Variants in CEP63 observed in about 807,000 individuals in gnomAD.
The protein encoded by CEP63 is centrosomal protein 63.
CEP63 carries 84 observed loss-of-function variants against 89.1 expected under a neutral mutation model. The observed-to-expected ratio is 0.94, with a 90% confidence interval of 0.79 to 1.13. The LOEUF (loss-of-function observed/expected upper bound fraction) is 1.13, where lower values mean the gene tolerates loss of function less well. Ranked by LOEUF, CEP63 falls within the 50% of genes most tolerant of loss-of-function variation. The probability of loss-of-function intolerance (pLI) is 0.00; values close to 1 mark genes in which losing one functional copy is unlikely to be tolerated. For synonymous variants in CEP63, 267 were observed against 272.5 expected, an observed-to-expected ratio of 0.98 and a Z score of 0.20; for missense variants, 838 against 813.3, an observed-to-expected ratio of 1.03 and a Z score of -0.37.
At chr3:134,568,073 G>A (rs1458061693), downstream of CEP63, among the ~76,000 whole-genome samples, 2 of 152,188 alleles carry the variant, frequency 1.3e-5, no homozygotes, top group Non-Finnish European at 2.9e-5. Flanking sequence ...AAACAGATGA[G>A]CTAAGATACT....
At chr3:134,536,062 C>G (rs185771233) in intron 5 of CEP63, 10 of 152,232 alleles carry the variant, frequency 6.6e-5, no homozygotes, top group African/African-American at 1.9e-4. Flanking sequence ...TTCTTTCCAC[C>G]CAGAATATTG....
At chr3:134,680,077 A>G in the CEP63 span, among the ~76,000 whole-genome samples, 2 of 152,218 alleles carry the variant, frequency 1.3e-5, no homozygotes, top group Non-Finnish European at 2.9e-5. Context: ...ACACACACAC[A>G]GAAGGAAGAT....
At chr3:134,770,300 T>G in the CEP63 span, among the ~76,000 whole-genome samples, 1 of 152,244 alleles carries the variant, frequency 6.6e-6, no homozygotes, top group Non-Finnish European at 1.5e-5. Flanking sequence ...CCCAGGTGAT[T>G]CTGAGGTAGC....
chr3:134,570,005 G>T (rs1056629578), downstream of CEP63, among the ~76,000 whole-genome samples: 1 of 152,188 alleles, frequency 6.6e-6, no homozygotes, highest in Non-Finnish European at 1.5e-5. Context: ...CTCTACGTTG[G>T]CCACTTTCAG....
intron 7 of CEP63, 35 bp from the exon 8 acceptor site, chr3:134,546,114 A>G (rs1021932327): frequency 6.2e-7 from 1 of 1,610,144 alleles, no homozygotes; most frequent in Non-Finnish European, 8.5e-7. Flanking sequence ...AATTAAAAAG[A>G]AGGAAAATTA....
At chr3:134,746,374 A>G in the CEP63 span, among the ~76,000 whole-genome samples, 35 of 152,322 alleles carry the variant, frequency 2.3e-4, no homozygotes, top group African/African-American at 7.7e-4. Context: ...TAGTGCTGCA[A>G]TAAACATAAG....
At position 134,547,444 on chromosome 3, in the gene CEP63, C is replaced by A; in HGVS notation, c.1039C>A (p.Gln347Lys). The change falls in exon 9 of 15, where the codon CAG (glutamine) becomes AAG (lysine). Residue 347 changes from glutamine to lysine, a missense_variant. Coordinates refer to ENST00000675561, the MANE Select transcript of CEP63 (RefSeq NM_001353108.3). The part of the protein sequence containing the change: ...NFTHTSEDLL[Q>K]AEVTCLEGSL... ...TACCCATACTAGTGAGGACCTTCTG[C>A]AGGCAGAGGTGACTTGTCTTGAAGG... The A allele has an allele frequency of 6.2e-7, 1 of 1,613,692 alleles. No homozygotes were observed. Among genetic ancestry groups the A allele is most frequent in the Non-Finnish European group, 8.5e-7 (1 of 1,179,704 alleles).
chr3:134,585,761 C>G (rs183164419), intron 10 of CEP63, among the ~76,000 whole-genome samples: 268 of 152,230 alleles, frequency 1.8e-3, no homozygotes, highest in Non-Finnish European at 3.3e-3. Flanking sequence ...AACCTTCTAT[C>G]TCGTTGATCT....
At chr3:134,614,232 ACCT>A in the CEP63 span, among the ~76,000 whole-genome samples, 1 of 151,970 alleles carries the variant, frequency 6.6e-6, no homozygotes, top group African/African-American at 2.4e-5. Context: ...AAACATTTCC[ACCT>A]CCTGAAGAGC....
chr3:134,681,465 C>T, the CEP63 span, among the ~76,000 whole-genome samples: 14 of 152,156 alleles, frequency 9.2e-5, no homozygotes, highest in Non-Finnish European at 1.8e-4. Flanking sequence ...AACCCACATG[C>T]AATGTGTGGT....
At position 134,561,644 on chromosome 3, in the gene CEP63, T is replaced by TA; in HGVS notation, c.*110dup. ...TGAAGAGATAAAATTATAAAAATGA[T>TA]ACATCTAAAGCAGTGGTGAAGAAAG... On this transcript the variant is annotated 3_prime_UTR_variant, in exon 15 of 15. Coordinates refer to ENST00000675561, the MANE Select transcript of CEP63 (RefSeq NM_001353108.3). 1 of 1,523,428 alleles carries TA rather than the reference T, an allele frequency of 6.6e-7. No homozygotes were observed. The highest frequency in any genetic ancestry group is 1.3e-5 in the South Asian group (1 of 79,336). The allele number at this position is 1,523,428 out of a possible 1,614,324, so 94.4% of individuals were successfully genotyped here.
At chr3:134,742,726 C>A in the CEP63 span, among the ~76,000 whole-genome samples, 1 of 152,224 alleles carries the variant, frequency 6.6e-6, no homozygotes, top group Admixed American at 6.5e-5. Flanking sequence ...GTTTCACCCT[C>A]ATGGGTGGGT....
chr3:134,708,280 G>A, the CEP63 span, among the ~76,000 whole-genome samples: 1 of 152,234 alleles, frequency 6.6e-6, no homozygotes, highest in Non-Finnish European at 1.5e-5. Flanking sequence ...AGATTAATTT[G>A]TTCAATTAGT....
the CEP63 span, among the ~76,000 whole-genome samples, chr3:134,777,910 C>T: frequency 2.6e-5 from 4 of 151,446 alleles, no homozygotes; most frequent in Admixed American, 6.6e-5. Context: ...CCACCGCGCC[C>T]GGCTTTAGGC....
At chr3:134,629,475 T>C in the CEP63 span, 1 of 623,856 alleles carries the variant, frequency 1.6e-6, no homozygotes, top group Admixed American at 2.7e-5. Flanking sequence ...AGGATAAAGC[T>C]GTCATGCTTC....
At chr3:134,620,369 CA>C in the CEP63 span, among the ~76,000 whole-genome samples, 78 of 152,296 alleles carry the variant, frequency 5.1e-4, no homozygotes, top group African/African-American at 1.8e-3. Flanking sequence ...ACTTTTCAAA[CA>C]GCTGCAACTT....
At chr3:134,538,373 T>C (rs1018344938) in intron 6 of CEP63, among the ~76,000 whole-genome samples, 2 of 150,878 alleles carry the variant, frequency 1.3e-5, no homozygotes, top group Non-Finnish European at 1.5e-5. Flanking sequence ...TTCAAAATGG[T>C]AGGAAAAGTC....
At chr3:134,760,261 G>A in the CEP63 span, among the ~76,000 whole-genome samples, 127 of 151,966 alleles carry the variant, frequency 8.4e-4, no homozygotes, top group Admixed American at 1.2e-3. Flanking sequence ...GGGTTTCACT[G>A]TGTTAGCCAG....
the CEP63 span, chr3:134,608,647 A>C: frequency 1.9e-6 from 3 of 1,613,836 alleles, no homozygotes; most frequent in Non-Finnish European, 8.5e-7. Flanking sequence ...CTCCGGGCTC[A>C]CCTGTTCTGA....
Sources: gnomAD v4.1 joint callset for allele counts (sites outside exome capture counted in the v4.1 genomes callset) on GRCh38, gnomAD v4.1.1 for gene constraint, MANE v1.5 for transcripts, NCBI Gene and HGNC (gene_info 2026-07-23, HGNC 2026-07-21) for gene names.